Variants in EYS observed in about 807,000 individuals in gnomAD.
EYS encodes EGF-like photoreceptor maintenance factor.
EYS carries 250 observed loss-of-function variants against 282.1 expected under a neutral mutation model. That is an observed-to-expected ratio of 0.89 (90% CI 0.80 to 0.98). The LOEUF is 0.98. Among genes scored for constraint, EYS ranks in the 50% least tolerant of loss-of-function variants. The pLI, the probability that EYS is intolerant of heterozygous loss-of-function variation, is 0.00. For synonymous variants in EYS, 1,355 were observed against 1,282.9 expected (o/e 1.06, Z -1.20); for missense variants, 4,016 against 3,709.0 (o/e 1.08, Z -2.15).
At chr6:65,019,685 A>G (rs1453506761) in intron 13 of EYS, among the ~76,000 whole-genome samples, 1 of 152,202 alleles carries the variant, frequency 6.6e-6, no homozygotes, top group Non-Finnish European at 1.5e-5. Flanking sequence ...GTAAGACAAC[A>G]GGAATTATCT....
chr6:64,326,421 C>G (rs535895693), intron 29 of EYS, among the ~76,000 whole-genome samples: 7 of 152,254 alleles, frequency 4.6e-5, no homozygotes, highest in Admixed American at 6.5e-5. Context: ...GTAATGCTGC[C>G]TTTGTTTCTT....
intron 12 of EYS, among the ~76,000 whole-genome samples, chr6:65,223,647 TCAGTCTAAGAA>T (rs1287020223): frequency 6.6e-6 from 1 of 152,162 alleles, no homozygotes; most frequent in Non-Finnish European, 1.5e-5. Flanking sequence ...AGAAGTATTC[TCAGTCTAAGAA>T]CAGCACCTTA....
At chr6:64,119,838 TG>T (rs1773514249) in intron 31 of EYS, among the ~76,000 whole-genome samples, 1 of 152,194 alleles carries the variant, frequency 6.6e-6, no homozygotes, top group African/African-American at 2.4e-5. Context: ...GAGATTAAAG[TG>T]CACCTTATTT....
chr6:64,557,221 C>T (rs1169135469), intron 26 of EYS, among the ~76,000 whole-genome samples: 1 of 10,346 alleles, frequency 9.7e-5, no homozygotes, highest in African/African-American at 2.0e-3. Context: ...CACACATACA[C>T]ACACACACAC....
intron 22 of EYS, among the ~76,000 whole-genome samples, chr6:64,790,227 AG>A (rs1200233079): frequency 2.6e-5 from 4 of 152,040 alleles, no homozygotes; most frequent in Non-Finnish European, 2.9e-5. Flanking sequence ...GAAGAGAATA[AG>A]GTCTTTAAAT....
rs909462639 is a variant in EYS, at chr6:65,154,877, G to A, written c.2024-97150C>T. On this transcript the variant is annotated intron_variant, in intron 12 of 42. Transcript: ENST00000503581. ...ACAAGCCACTCAACCAAAATTAATA[G>A]TTAATAAGGAATTCAACCAGGTCAC... 4.6e-5 allele frequency among the ~76,000 whole-genome samples: 7 copies of A among 151,474 alleles called. No individual in the cohort carries two copies. In the East Asian group the frequency reaches 1.4e-3, roughly 30 times the overall value.
In EYS at chr6:64,390,462, C is replaced by T. The variant is rs377338132; in HGVS notation, c.5928-1622G>A. Among the ~76,000 whole-genome samples the T allele has an allele frequency of 3.9e-5, 6 of 151,916 alleles. No homozygotes were observed. The East Asian group carries it at 9.8e-4, about 25-fold the overall frequency. ...AGACTGCCTCCTCAAGTGGGTCCCTCACCCCTGACCCCGGAGCAGCCTAAC... is the reference window on the plus strand; with the variant it reads ...AGACTGCCTCCTCAAGTGGGTCCCTTACCCCTGACCCCGGAGCAGCCTAAC... On this transcript the variant is annotated intron_variant, in intron 28 of 42. Coordinates refer to ENST00000503581, the MANE Select transcript of EYS (RefSeq NM_001142800.2).
In EYS at chr6:65,576,827, T is replaced by C. The variant is rs1764686872; in HGVS notation, c.-333+62951A>G. ...AAAAAATAAGATTATTCACCACAGC[T>C]ATAAAACAAATACTTAGGAATAAAT... On this transcript the variant is annotated intron_variant, in intron 2 of 42. Transcript: ENST00000503581. 2.6e-5 allele frequency among the ~76,000 whole-genome samples: 4 copies of C among 151,846 alleles called. No individual in the cohort carries two copies. The South Asian group carries it at 8.3e-4, about 31-fold the overall frequency.
At chr6:65,042,156 C>A (rs751945094) in intron 13 of EYS, among the ~76,000 whole-genome samples, 1 of 151,704 alleles carries the variant, frequency 6.6e-6, no homozygotes, top group South Asian at 2.1e-4. Context: ...GGTCTGGGAT[C>A]TATTTGTTCT....
rs1766398892 is a variant in EYS, at chr6:64,591,226, A to G, written c.4641T>C (p.Asp1547=). 1 of 1,551,440 alleles carries G rather than the reference A, an allele frequency of 6.4e-7. No individual in the cohort carries two copies. Among genetic ancestry groups the G allele is most frequent in the Non-Finnish European group, 8.7e-7 (1 of 1,146,824 alleles). ...RLTNIKSQAA[D]SLRELSQTCA... ...ATGTTTGGCTTAATTCTCTTAAAGA[A>G]TCAGCAGCCTGTGATTTGATGTTTG... The change falls in exon 26 of 43, where the codon GAT becomes GAC. Residue 1547 remains aspartate, a synonymous_variant. Coordinates refer to ENST00000503581, the MANE Select transcript of EYS (RefSeq NM_001142800.2).
intron 15 of EYS, among the ~76,000 whole-genome samples, chr6:64,937,647 A>G (rs1768955003): frequency 6.6e-6 from 1 of 151,612 alleles, no homozygotes; most frequent in Non-Finnish European, 1.5e-5. Flanking sequence ...TATTGGCAAG[A>G]TGTGGAGAAG....
intron 11 of EYS, among the ~76,000 whole-genome samples, chr6:65,326,272 C>T (rs1769617885): frequency 6.6e-6 from 1 of 151,548 alleles, no homozygotes; most frequent in African/African-American, 2.4e-5. Context: ...CAAATATTCA[C>T]TCTCATTGTC....
At chr6:64,547,391 C>T (rs1182237578) in intron 26 of EYS, among the ~76,000 whole-genome samples, 1 of 151,996 alleles carries the variant, frequency 6.6e-6, no homozygotes, top group Admixed American at 6.6e-5. Flanking sequence ...GTTTGCAATC[C>T]CTGAGCTAGA....
intron 1 of EYS, among the ~76,000 whole-genome samples, chr6:65,655,425 A>T (rs1441462297): frequency 6.6e-6 from 1 of 151,680 alleles, no homozygotes; most frequent in African/African-American, 2.4e-5. Flanking sequence ...TTTATAGTAT[A>T]TATAGTATAT....
chr6:64,891,835 G>T (rs922944790), intron 18 of EYS, among the ~76,000 whole-genome samples: 4 of 151,754 alleles, frequency 2.6e-5, no homozygotes, highest in African/African-American at 9.7e-5. Context: ...TATCTTGAGA[G>T]AACAATTAAG....
At chr6:63,972,625 T>C (rs1766638079) in intron 35 of EYS, among the ~76,000 whole-genome samples, 1 of 152,108 alleles carries the variant, frequency 6.6e-6, no homozygotes, top group Non-Finnish European at 1.5e-5. Context: ...TGTGCCATGG[T>C]GGTTTGCTGC....
intron 31 of EYS, among the ~76,000 whole-genome samples, chr6:64,124,132 G>C (rs1275927601): frequency 6.6e-6 from 1 of 152,198 alleles, no homozygotes; most frequent in African/African-American, 2.4e-5. Flanking sequence ...TTTAAAGCAA[G>C]GATTCTTGTA....
chr6:65,353,948 C>G (rs868341289), intron 8 of EYS, among the ~76,000 whole-genome samples: 1 of 151,892 alleles, frequency 6.6e-6, no homozygotes, highest in African/African-American at 2.4e-5. Flanking sequence ...TTAAGAGATA[C>G]ACCATTTAAA....
chr6:64,755,273 C>T (rs1450490943), intron 22 of EYS, among the ~76,000 whole-genome samples: 2 of 151,910 alleles, frequency 1.3e-5, no homozygotes, highest in Non-Finnish European at 2.9e-5. Flanking sequence ...AAGTACAAAA[C>T]ACTGATGAAA....
Sources: gnomAD v4.1 joint callset for allele counts (sites outside exome capture counted in the v4.1 genomes callset) on GRCh38, gnomAD v4.1.1 for gene constraint, MANE v1.5 for transcripts, NCBI Gene and HGNC (gene_info 2026-07-23, HGNC 2026-07-21) for gene names.